DCUN1D4: variants seen among roughly 807,000 people sequenced by gnomAD.
DCUN1D4 encodes DCN1-like protein 4.
A neutral mutation model predicts 47.9 loss-of-function variants in DCUN1D4; 22 were observed. That is an observed-to-expected ratio of 0.46 (90% CI 0.33 to 0.66). The LOEUF is 0.66. Ranked by LOEUF, DCUN1D4 falls within the 30% of genes least tolerant of loss-of-function variation. The probability of loss-of-function intolerance (pLI) is 0.02; values close to 1 mark genes in which losing one functional copy is unlikely to be tolerated. For missense variants in DCUN1D4, 301 were observed against 340.8 expected, an observed-to-expected ratio of 0.88 and a Z score of 0.92; for synonymous variants, 121 against 112.2, an observed-to-expected ratio of 1.08 and a Z score of -0.50.
Position 51,916,186 on chromosome 4 carries a change from C to T in DCUN1D4, c.*2602C>T, listed in dbSNP as rs1389096557. On this transcript the variant is annotated 3_prime_UTR_variant, in exon 11 of 11. Coordinates refer to ENST00000334635, the MANE Select transcript of DCUN1D4 (RefSeq NM_001040402.3). ...CTATTGTGTTTCGAACTCCACATTGCAATACTCTGTTGTCATGGAATACAA... is the reference window on the plus strand; with the variant it reads ...CTATTGTGTTTCGAACTCCACATTGTAATACTCTGTTGTCATGGAATACAA... 1 of 152,074 alleles carries T rather than the reference C, an allele frequency of 6.6e-6. No homozygotes were observed. Among genetic ancestry groups the T allele is most frequent in the African/African-American group, 2.4e-5 (1 of 41,426 alleles). The allele number at this position is 152,074 out of a possible 1,614,324, so 9.4% of individuals were successfully genotyped here.
At chr4:51,869,628 C>T (rs1355419238) in intron 3 of DCUN1D4, among the ~76,000 whole-genome samples, 3 of 152,092 alleles carry the variant, frequency 2.0e-5, no homozygotes, top group Non-Finnish European at 4.4e-5. Context: ...AAGTGAAGCA[C>T]ATACTTAGGC....
the DCUN1D4 span, among the ~76,000 whole-genome samples, chr4:51,837,654 CAAAAAAAAAAAAAAA>C: frequency 2.2e-5 from 1 of 46,182 alleles, no homozygotes; most frequent in Non-Finnish European, 3.7e-5. Flanking sequence ...GACTCCGTCT[CAAAAAAAAAAAAAAA>C]AAAAAAAAAA....
chr4:51,883,025 C>A (rs930112593), intron 5 of DCUN1D4, among the ~76,000 whole-genome samples: 8 of 152,090 alleles, frequency 5.3e-5, no homozygotes, highest in Admixed American at 5.2e-4. Flanking sequence ...AGCCTAAATA[C>A]TTTAGTAGAA....
chr4:51,913,698 C>T lies in DCUN1D4; in HGVS notation c.*114C>T, dbSNP rs373532376. 108 of 943,808 alleles carry T rather than the reference C, an allele frequency of 1.1e-4. No homozygotes were observed. In the Middle Eastern group the frequency reaches 1.5e-3, roughly 13 times the overall value. The allele number at this position is 943,808 out of a possible 1,614,324, so 58.5% of individuals were successfully genotyped here. The stretch of plus-strand genomic sequence containing the variant: ...TGCTTCTCTTGCACTGTTTCCCTTT[C>T]GCAGGGACATGTTGGTGTTTGCTAT... On this transcript the variant is annotated 3_prime_UTR_variant, in exon 11 of 11. Coordinates refer to ENST00000334635, the MANE Select transcript of DCUN1D4 (RefSeq NM_001040402.3).
At chr4:51,860,539 G>A in intron 1 of DCUN1D4, 1 of 454,020 alleles carries the variant, frequency 2.2e-6, no homozygotes, top group Non-Finnish European at 4.4e-6. Context: ...TCACGGTTCT[G>A]CAGGCTTTAC....
intron 5 of DCUN1D4, among the ~76,000 whole-genome samples, chr4:51,882,275 A>G (rs1728771906): frequency 6.6e-6 from 1 of 152,258 alleles, no homozygotes; most frequent in South Asian, 2.1e-4. Flanking sequence ...TGCAGTCAGC[A>G]GAAGCACCGT....
rs1734126036 is a variant in DCUN1D4 at position 51,914,418 on chromosome 4, T to C, written c.*834T>C. On this transcript the variant is annotated 3_prime_UTR_variant, in exon 11 of 11. Transcript: ENST00000334635. ...AGTGATTGATCTGCTAATGCTTTCT[T>C]TGCCACTCTAAGTAAAATTTATTTC... The C allele has an allele frequency of 6.6e-6, 1 of 152,396 alleles. No homozygotes were observed. The highest frequency in any genetic ancestry group is 6.5e-5 in the Admixed American group (1 of 15,270). 9.4% of individuals were successfully genotyped at this position (152,396 alleles called of 1,614,324 possible).
At chr4:51,905,696 G>T (rs1261948052) in intron 8 of DCUN1D4, among the ~76,000 whole-genome samples, 1 of 152,120 alleles carries the variant, frequency 6.6e-6, no homozygotes, top group Non-Finnish European at 1.5e-5. Context: ...CTCTGTGGTG[G>T]AGACAAGCTT....
chr4:51,913,195 C>T (rs2110149557), intron 9 of DCUN1D4, 95 bp from the exon 10 acceptor site: 1 of 751,072 alleles, frequency 1.3e-6, no homozygotes, highest in East Asian at 2.8e-5. Flanking sequence ...GTTAACCTTA[C>T]ATGAACTTAA....
chr4:51,847,907 C>T (rs1388179910), intron 1 of DCUN1D4, among the ~76,000 whole-genome samples: 1 of 152,126 alleles, frequency 6.6e-6, no homozygotes, highest in African/African-American at 2.4e-5. Context: ...TTTATTTCCC[C>T]TCCCCAATTA....
chr4:51,848,650 C>G (rs541803139), intron 1 of DCUN1D4, among the ~76,000 whole-genome samples: 4 of 152,110 alleles, frequency 2.6e-5, no homozygotes, highest in Non-Finnish European at 5.9e-5. Context: ...GTATTCTAAG[C>G]AGAACATGTA....
At chr4:51,862,778 G>A (rs1725270585) in intron 1 of DCUN1D4, among the ~76,000 whole-genome samples, 1 of 152,004 alleles carries the variant, frequency 6.6e-6, no homozygotes, top group Admixed American at 6.6e-5. Context: ...GGAGGCTGAG[G>A]CAGGAGGATC....
intron 6 of DCUN1D4, 123 bp from the exon 7 acceptor site, chr4:51,891,637 G>A: frequency 1.4e-6 from 1 of 711,706 alleles, no homozygotes; most frequent in Non-Finnish European, 2.2e-6. Flanking sequence ...ATATTTCAGT[G>A]ACTAAACTAC....
At chr4:51,858,175 G>A (rs1724445656) in intron 1 of DCUN1D4, among the ~76,000 whole-genome samples, 1 of 152,166 alleles carries the variant, frequency 6.6e-6, no homozygotes, top group African/African-American at 2.4e-5. Flanking sequence ...GGAGTACAAT[G>A]TGATGTTTTG....
chr4:51,872,455 A>G (rs1256861797), intron 3 of DCUN1D4, among the ~76,000 whole-genome samples: 1 of 152,078 alleles, frequency 6.6e-6, no homozygotes, highest in Admixed American at 6.5e-5. Flanking sequence ...CCACCAATCC[A>G]TGGACACTGT....
At chr4:51,890,376 T>C (rs559321541) in intron 6 of DCUN1D4, among the ~76,000 whole-genome samples, 1 of 152,332 alleles carries the variant, frequency 6.6e-6, no homozygotes, top group African/African-American at 2.4e-5. Context: ...GTAGCTGAAA[T>C]GAAGCCTTAG....
chr4:51,871,396 G>A (rs948161600), intron 3 of DCUN1D4, among the ~76,000 whole-genome samples: 11 of 152,348 alleles, frequency 7.2e-5, no homozygotes, highest in African/African-American at 1.9e-4. Flanking sequence ...GAAACCAAAC[G>A]TTGTACAGTG....
intron 1 of DCUN1D4, among the ~76,000 whole-genome samples, chr4:51,845,859 G>C (rs1055432618): frequency 7.9e-5 from 12 of 152,170 alleles, no homozygotes. Flanking sequence ...GGCAATGTGT[G>C]TGGTGTTCTT....
rs1734159429 is a variant in DCUN1D4, at chr4:51,914,769, T to C, written c.*1185T>C. The C allele has an allele frequency of 6.6e-6, 1 of 151,624 alleles. No homozygotes were observed. The highest frequency in any genetic ancestry group is 1.5e-5 in the Non-Finnish European group (1 of 67,762). 9.4% of individuals were successfully genotyped at this position (151,624 alleles called of 1,614,324 possible). On this transcript the variant is annotated 3_prime_UTR_variant, in exon 11 of 11. Coordinates refer to ENST00000334635, the MANE Select transcript of DCUN1D4 (RefSeq NM_001040402.3). ...AGAAGGGCAATAGCCATTATTTTTG[T>C]GGATGAGGAAACAAGAATAAACAGA...
Sources: allele counts gnomAD v4.1 joint callset (sites outside exome capture counted in the v4.1 genomes callset), GRCh38; gene constraint gnomAD v4.1.1; transcripts MANE v1.5; gene names NCBI Gene and HGNC (gene_info 2026-07-23, HGNC 2026-07-21).